SPNS3: variants seen among roughly 807,000 people sequenced by gnomAD.
SPNS3 encodes the protein protein spinster homolog 3.
In SPNS3, 51 loss-of-function variants were observed where a neutral mutation model predicts 54.4. The ratio of observed to expected loss-of-function variants is 0.94; its 90% CI spans 0.75 to 1.18. SPNS3 has a LOEUF of 1.18. SPNS3 is among the 50% of genes most tolerant of loss of function. SPNS3 has a pLI of 0.00. For synonymous variants in SPNS3, 309 were observed against 294.7 expected, an observed-to-expected ratio of 1.05 and a Z score of -0.50; for missense variants, 669 against 677.4, an observed-to-expected ratio of 0.99 and a Z score of 0.14.
intron 1 of SPNS3, among the ~76,000 whole-genome samples, chr17:4,436,189 G>T (rs1489637319): frequency 2.6e-5 from 4 of 152,190 alleles, no homozygotes; most frequent in African/African-American, 9.6e-5. Context: ...GCACAGGCCG[G>T]GCTGGGAGCT....
intron 1 of SPNS3, among the ~76,000 whole-genome samples, chr17:4,438,031 C>T (rs1264250978): frequency 1.3e-5 from 2 of 152,234 alleles, no homozygotes; most frequent in African/African-American, 4.8e-5. Context: ...TCAAGATCTG[C>T]CGGCCTCGGC....
intron 8 of SPNS3, 66 bp downstream of exon 8, chr17:4,453,271 C>A: frequency 6.8e-7 from 1 of 1,461,794 alleles, no homozygotes; most frequent in Non-Finnish European, 9.3e-7. Context: ...TTTCCACAGG[C>A]TCATGCTGCG....
chr17:4,467,671 A>T (rs1414462096), intron 8 of SPNS3, among the ~76,000 whole-genome samples: 2 of 152,134 alleles, frequency 1.3e-5, no homozygotes, highest in Non-Finnish European at 2.9e-5. Context: ...ATTTAATTAA[A>T]TTAATTTATT....
intron 1 of SPNS3, 95 bp from the exon 2 acceptor site, chr17:4,439,563 G>A: frequency 1.8e-6 from 2 of 1,107,222 alleles, no homozygotes; most frequent in South Asian, 1.4e-5. Flanking sequence ...GTGCTGTGCT[G>A]GTCAGCTGTG....
chr17:4,439,091 G>A (rs1970783120), intron 1 of SPNS3, among the ~76,000 whole-genome samples: 1 of 152,022 alleles, frequency 6.6e-6, no homozygotes, highest in Non-Finnish European at 1.5e-5. Flanking sequence ...GTGTGTGAAT[G>A]TCTGTGCCTT....
intron 7 of SPNS3, among the ~76,000 whole-genome samples, chr17:4,450,651 C>T (rs1200731495): frequency 6.6e-6 from 1 of 151,738 alleles, no homozygotes; most frequent in African/African-American, 2.4e-5. Flanking sequence ...GGCTGGAGTG[C>T]AGTGGCACAA....
Position 4,458,604 on chromosome 17 carries a change from T to C in SPNS3, c.1113+5399T>C, listed in dbSNP as rs549843854. The stretch of plus-strand genomic sequence containing the variant: ...TCCTTCCCTCCTTTCTTTCTTTCTT[T>C]CTTTCTTTCTTTCTTTCTTTCTTTC... On this transcript the variant is annotated intron_variant, in intron 8 of 11. Transcript: ENST00000355530. 8.1e-3 allele frequency among the ~76,000 whole-genome samples: 818 copies of C among 100,886 alleles called. 20 individuals carry two copies. The highest frequency in any genetic ancestry group is 0.032 in the African/African-American group (739 of 23,380). 66.2% of individuals were successfully genotyped at this position (100,886 alleles called of 152,430 possible).
intron 6 of SPNS3, 42 bp from the exon 7 acceptor site, chr17:4,449,193 C>G: frequency 1.9e-6 from 3 of 1,599,832 alleles, no homozygotes; most frequent in South Asian, 1.1e-5. Flanking sequence ...CCCTTCAGCC[C>G]CAGCCCTCTC....
chr17:4,454,916 C>T (rs1459627492), intron 8 of SPNS3, among the ~76,000 whole-genome samples: 1 of 38,720 alleles, frequency 2.6e-5, no homozygotes, highest in African/African-American at 9.2e-5. Flanking sequence ...AGCCACTGCA[C>T]CCAGCCTTTT....
chr17:4,484,900 GA>G (rs1972269041), intron 9 of SPNS3: 1 of 152,174 alleles, frequency 6.6e-6, no homozygotes, highest in South Asian at 2.1e-4. Context: ...GACCCCAAGA[GA>G]AATTAAGGGT....
chr17:4,470,306 G>A (rs1971821772), intron 8 of SPNS3, among the ~76,000 whole-genome samples: 1 of 152,030 alleles, frequency 6.6e-6, no homozygotes, highest in Non-Finnish European at 1.5e-5. Flanking sequence ...GTGGGCGCCT[G>A]TAATCCCAGC....
chr17:4,477,033 C>T (rs1226837253), intron 8 of SPNS3, among the ~76,000 whole-genome samples: 1 of 152,224 alleles, frequency 6.6e-6, no homozygotes, highest in Non-Finnish European at 1.5e-5. Context: ...GTCCAGGGGC[C>T]CCCTGCCCAT....
At chr17:4,453,243 G>T (rs1971217416) in intron 8 of SPNS3, 38 bp downstream of exon 8, 1 of 1,572,992 alleles carries the variant, frequency 6.4e-7, no homozygotes, top group East Asian at 2.3e-5. Context: ...GACAGGGTTG[G>T]GGGGCGAGGA....
At chr17:4,447,245 G>A (rs932078837) in intron 5 of SPNS3, among the ~76,000 whole-genome samples, 5 of 152,188 alleles carry the variant, frequency 3.3e-5, no homozygotes, top group African/African-American at 1.2e-4. Context: ...TCGGTAAAGC[G>A]GGGGTACTAA....
In SPNS3 at chr17:4,488,118, T is replaced by C. The variant is rs569553943; in HGVS notation, c.*224T>C. 138 of 569,714 alleles carry C rather than the reference T, an allele frequency of 2.4e-4. 1 individual carries two copies. The South Asian group carries it at 2.8e-3, about 11-fold the overall frequency. The allele number at this position is 569,714 out of a possible 1,614,324, so 35.3% of individuals were successfully genotyped here. ...CCTGTGCCTGCATCCCGCTCAAGGC[T>C]GCCCCAGCCTGGGGTCTCCAGCCTG... is the stretch of plus-strand genomic sequence containing the variant. On this transcript the variant is annotated 3_prime_UTR_variant, in exon 12 of 12. Coordinates refer to ENST00000355530, the MANE Select transcript of SPNS3 (RefSeq NM_182538.5).
intron 6 of SPNS3, among the ~76,000 whole-genome samples, chr17:4,448,808 T>C (rs1026888075): frequency 1.3e-5 from 2 of 152,208 alleles, no homozygotes; most frequent in African/African-American, 2.4e-5. Flanking sequence ...GATTCAATTC[T>C]GTTACTGAGC....
intron 2 of SPNS3, among the ~76,000 whole-genome samples, chr17:4,441,082 C>G (rs960971751): frequency 3.9e-5 from 6 of 152,222 alleles, no homozygotes; most frequent in African/African-American, 1.4e-4. Flanking sequence ...CCTGTAGCTC[C>G]AAGAGTTTGG....
intron 8 of SPNS3, among the ~76,000 whole-genome samples, chr17:4,467,027 G>A (rs992936867): frequency 4.6e-5 from 7 of 152,074 alleles, no homozygotes; most frequent in South Asian, 2.1e-4. Context: ...GGTGGAGCGG[G>A]GAAGCGCAGT....
chr17:4,473,613 C>T (rs1186929772), intron 8 of SPNS3, among the ~76,000 whole-genome samples: 1 of 152,090 alleles, frequency 6.6e-6, no homozygotes. Flanking sequence ...GTCTCGAACT[C>T]CTGGCCTCAA....
Sources: gnomAD v4.1 joint callset for allele counts (sites outside exome capture counted in the v4.1 genomes callset) on GRCh38, gnomAD v4.1.1 for gene constraint, MANE v1.5 for transcripts, NCBI Gene and HGNC (gene_info 2026-07-23, HGNC 2026-07-21) for gene names.